The following POU2F3 variants were observed in gnomAD, a reference collection of about 807,000 sequenced individuals.
POU2F3 encodes the protein POU domain, class 2, transcription factor 3.
A neutral mutation model predicts 59.2 loss-of-function variants in POU2F3; 23 were observed. The observed-to-expected ratio is 0.39, with a 90% CI of 0.28 to 0.55. The LOEUF is 0.55. Among genes scored for constraint, POU2F3 ranks in the 20% least tolerant of loss-of-function variants. The pLI is 0.66. For synonymous variants in POU2F3, 190 were observed against 214.6 expected (o/e 0.89, Z 1.00); for missense variants, 473 against 544.5 (o/e 0.87, Z 1.31).
chr11:120,291,826 T>C (rs1591424760), intron 3 of POU2F3, among the ~76,000 whole-genome samples: 1 of 140,088 alleles, frequency 7.1e-6, no homozygotes, highest in South Asian at 2.4e-4. Flanking sequence ...TTTTTTTTTT[T>C]GAGATGGAGT....
intron 2 of POU2F3, among the ~76,000 whole-genome samples, chr11:120,260,905 A>G (rs114218083): frequency 0.02 from 3,091 of 151,686 alleles, 108 homozygotes; most frequent in African/African-American, 0.069. Flanking sequence ...CTGTCTTTAC[A>G]ATTTTTTTTT....
rs571641402 is a variant in POU2F3 at position 120,246,934 on chromosome 11, A to C, written c.97+417A>C. Reference sequence around the variant, plus strand: ...CCTGTGTACAAATGTTTCTCTTCCAAATAACGTGCATGTGGGTGGCAAATA... The same window carrying C: ...CCTGTGTACAAATGTTTCTCTTCCACATAACGTGCATGTGGGTGGCAAATA... On this transcript the variant is annotated intron_variant, in intron 2 of 12. Transcript: ENST00000543440. 8.9e-4 allele frequency among the ~76,000 whole-genome samples: 135 copies of C among 152,276 alleles called. 1 individual carries two copies. Among genetic ancestry groups the C allele is most frequent in the South Asian group, 2.9e-3 (14 of 4,826 alleles).
chr11:120,271,939 C>T (rs895111500), intron 3 of POU2F3, among the ~76,000 whole-genome samples: 2 of 152,096 alleles, frequency 1.3e-5, no homozygotes, highest in Non-Finnish European at 2.9e-5. Context: ...TGCCCGGTCA[C>T]GTTCATTTAC....
rs897075097 is a variant in POU2F3 at position 120,285,504 on chromosome 11, A to G, written c.133-12761A>G. Among the ~76,000 whole-genome samples the G allele has an allele frequency of 1.3e-5, 2 of 152,234 alleles. No individual in the cohort carries two copies. The highest frequency in any genetic ancestry group is 2.4e-5 in the African/African-American group (1 of 41,452). On this transcript the variant is annotated intron_variant, in intron 3 of 12. Coordinates refer to ENST00000543440, the MANE Select transcript of POU2F3 (RefSeq NM_014352.4). The surrounding 1 kb of genome is among the most constrained non-coding windows in gnomAD (Gnocchi z 4.3). ...ATATCCTGGATCTGTAAACGATTCCATATGTTATGCTGCTGAATGCCTTCC... is the reference window on the plus strand; with the variant it reads ...ATATCCTGGATCTGTAAACGATTCCGTATGTTATGCTGCTGAATGCCTTCC...
At chr11:120,279,624 G>C (rs370809045) in intron 3 of POU2F3, among the ~76,000 whole-genome samples, 2 of 152,232 alleles carry the variant, frequency 1.3e-5, no homozygotes, top group African/African-American at 4.8e-5. Flanking sequence ...TTTTTGGAGA[G>C]GTGGGAATTT....
intron 2 of POU2F3, among the ~76,000 whole-genome samples, chr11:120,257,232 G>T (rs981385545): frequency 6.6e-6 from 1 of 152,158 alleles, no homozygotes; most frequent in African/African-American, 2.4e-5. Context: ...CAGAGAAGGG[G>T]GATGATTTTC....
chr11:120,280,417 A>G (rs1308729312), intron 3 of POU2F3, among the ~76,000 whole-genome samples: 1 of 152,364 alleles, frequency 6.6e-6, no homozygotes, highest in East Asian at 1.9e-4. Flanking sequence ...CACTTTACAT[A>G]GGTGATATCT....
chr11:120,245,109 C>T (rs1204291061), intron 1 of POU2F3, among the ~76,000 whole-genome samples: 1 of 152,152 alleles, frequency 6.6e-6, no homozygotes, highest in Non-Finnish European at 1.5e-5. Context: ...CCTTAAACCA[C>T]AGTGACTCCT....
chr11:120,236,729 C>T (rs563046415), upstream of POU2F3: 32 of 1,461,662 alleles, frequency 2.2e-5, no homozygotes, highest in South Asian at 8.5e-5. Context: ...CTCTACGTTC[C>T]CATTCTAGCT....
At chr11:120,249,022 G>T (rs966511787) in intron 2 of POU2F3, among the ~76,000 whole-genome samples, 1 of 152,214 alleles carries the variant, frequency 6.6e-6, no homozygotes, top group African/African-American at 2.4e-5. Context: ...AAGGGGTACT[G>T]GGGGGTAAGA....
intron 4 of POU2F3, among the ~76,000 whole-genome samples, chr11:120,299,109 T>C (rs1893262): frequency 0.12 from 17,623 of 152,200 alleles, 1,323 homozygotes; most frequent in Admixed American, 0.26. Flanking sequence ...TTTGTTTAAC[T>C]AAATTGGTTT....
chr11:120,296,501 C>T (rs1391558891), intron 3 of POU2F3, among the ~76,000 whole-genome samples: 1 of 152,130 alleles, frequency 6.6e-6, no homozygotes, highest in Non-Finnish European at 1.5e-5. Flanking sequence ...TTTCATCACC[C>T]ACATATTAAA....
chr11:120,300,831 G>A, intron 5 of POU2F3: 1 of 324,784 alleles, frequency 3.1e-6, no homozygotes, highest in South Asian at 2.6e-5. Context: ...TAGAGGTTTT[G>A]GAAATCCAGA....
intron 2 of POU2F3, chr11:120,256,792 T>C (rs1401089591): frequency 5.9e-5 from 9 of 152,252 alleles, no homozygotes; most frequent in Admixed American, 5.9e-4. Flanking sequence ...CTAGATGTTG[T>C]AGTTCCAGAA....
chr11:120,269,264 AG>A lies in POU2F3; in HGVS notation c.132+21del. The A allele has an allele frequency of 1.3e-6, 2 of 1,565,248 alleles. No homozygotes were observed. Among genetic ancestry groups the A allele is most frequent in the Non-Finnish European group, 1.8e-6 (2 of 1,135,884 alleles). ...AGGCAGGTAAGAACTTGGGTCAGAAAGAAACGTTTATTCTATAAAATTTGGG... is the reference window on the plus strand; with the variant it reads ...AGGCAGGTAAGAACTTGGGTCAGAAAAAACGTTTATTCTATAAAATTTGGG... On this transcript the variant is annotated intron_variant, in intron 3 of 12. Transcript: ENST00000543440.
intron 7 of POU2F3, 141 bp downstream of exon 7, chr11:120,305,353 G>T: frequency 9.6e-7 from 1 of 1,037,066 alleles, no homozygotes. Flanking sequence ...CTGAGAATAG[G>T]GCACAGTTGC....
chr11:120,257,288 T>C (rs566314446), intron 2 of POU2F3, among the ~76,000 whole-genome samples: 2 of 152,292 alleles, frequency 1.3e-5, no homozygotes, highest in South Asian at 4.1e-4. Context: ...CTTAGGACCC[T>C]TTCCCTGCCC....
At chr11:120,253,255 A>T (rs917861005) in intron 2 of POU2F3, among the ~76,000 whole-genome samples, 1 of 140,520 alleles carries the variant, frequency 7.1e-6, no homozygotes, top group African/African-American at 2.8e-5. Flanking sequence ...TGCTATTAAC[A>T]TTTTTAATTT....
At chr11:120,295,713 G>A (rs1254395731) in intron 3 of POU2F3, among the ~76,000 whole-genome samples, 1 of 152,226 alleles carries the variant, frequency 6.6e-6, no homozygotes, top group Non-Finnish European at 1.5e-5. Flanking sequence ...GCCAAGTGTG[G>A]ATGGGCACAG....
Sources: gnomAD v4.1 joint callset for allele counts (sites outside exome capture counted in the v4.1 genomes callset) on GRCh38, gnomAD v4.1.1 for gene constraint, Gnocchi (gnomAD v3.1) non-coding constraint, MANE v1.5 for transcripts, NCBI Gene and HGNC (gene_info 2026-07-23, HGNC 2026-07-21) for gene names.